The following PCSK9 variants were observed in gnomAD, a reference collection of about 807,000 sequenced individuals.
PCSK9 encodes the protein proprotein convertase subtilisin/kexin type 9.
A neutral mutation model predicts 62.1 loss-of-function variants in PCSK9; 57 were observed. The observed-to-expected ratio is 0.92, with a 90% CI of 0.74 to 1.14. PCSK9 has a LOEUF of 1.14. Ranked by LOEUF, PCSK9 falls within the 50% of genes most tolerant of loss-of-function variation. The pLI is 0.00. For missense variants in PCSK9, 870 were observed against 959.8 expected (o/e 0.91, Z 1.24); for synonymous variants, 387 against 409.4 (o/e 0.95, Z 0.66).
chr1:55,044,061 C>T, intron 2 of PCSK9, 27 bp downstream of exon 2: 1 of 1,612,942 alleles, frequency 6.2e-7, no homozygotes, highest in Non-Finnish European at 8.5e-7. Context: ...GGGAATGGCA[C>T]TTCCTGATAG....
chr1:55,042,321 T>C (rs1305274020), intron 1 of PCSK9, among the ~76,000 whole-genome samples: 3 of 152,338 alleles, frequency 2.0e-5, no homozygotes, highest in East Asian at 1.9e-4. Flanking sequence ...AAAAGTTTTT[T>C]TTGTGATTTA....
chr1:55,052,155 C>T (rs971008865), intron 3 of PCSK9, 123 bp from the exon 4 acceptor site: 29 of 1,340,366 alleles, frequency 2.2e-5, no homozygotes, highest in African/African-American at 1.0e-4. Context: ...GGAGGTTAAA[C>T]GAGTGAATAT....
At position 55,056,240 on chromosome 1, in the gene PCSK9, AGGGCG is replaced by A. The variant is rs1644713988; in HGVS notation, c.996+53_996+57del. 2.6e-4 allele frequency: 9 copies of A among 34,718 alleles called. 2 individuals carry two copies. The highest frequency in any genetic ancestry group is 4.2e-4 in the Non-Finnish European group (9 of 21,542). The allele number at this position is 34,718 out of a possible 1,614,324, so 2.2% of individuals were successfully genotyped here. A position where few individuals can be genotyped will look rare whatever the true frequency, so the allele number is the denominator to read the frequency against. ...GGCGCGGGTAGGGGGCGGAGGGCGG[AGGGCG>A]GAGGGAGGGCGGGCGGGCAGGCGGG... is the stretch of plus-strand genomic sequence containing the variant. On this transcript the variant is annotated intron_variant, in intron 6 of 11. Coordinates refer to ENST00000302118, the MANE Select transcript of PCSK9 (RefSeq NM_174936.4).
At chr1:55,057,572 A>C in intron 7 of PCSK9, 58 bp downstream of exon 7, 2 of 1,549,986 alleles carry the variant, frequency 1.3e-6, no homozygotes, top group Non-Finnish European at 1.7e-6. Context: ...TTTGGCAGTC[A>C]GGGTCTGTGC....
chr1:55,063,777 T>C lies in PCSK9; in HGVS notation c.*193T>C. On this transcript the variant is annotated 3_prime_UTR_variant, in exon 12 of 12. Transcript: ENST00000302118. ...TTGCCTGGAACTCACTCACTCTGGGTGCCTCCTCCCCAGGTGGAGGTGCCA... is the reference window on the plus strand; with the variant it reads ...TTGCCTGGAACTCACTCACTCTGGGCGCCTCCTCCCCAGGTGGAGGTGCCA... The C allele has an allele frequency of 1.5e-6, 1 of 659,044 alleles. No homozygotes were observed. Among genetic ancestry groups the C allele is most frequent in the Non-Finnish European group, 2.5e-6 (1 of 392,966 alleles). 40.8% of individuals were successfully genotyped at this position (659,044 alleles called of 1,614,324 possible).
At chr1:55,052,220 A>G in intron 3 of PCSK9, 58 bp from the exon 4 acceptor site, 2 of 1,610,884 alleles carry the variant, frequency 1.2e-6, no homozygotes, top group Middle Eastern at 1.7e-4. Flanking sequence ...CTGTGTGTTA[A>G]CTATAAGGTT....
intron 4 of PCSK9, 82 bp downstream of exon 4, chr1:55,052,493 G>T (rs625619): frequency 6.2e-5 from 100 of 1,607,962 alleles, no homozygotes; most frequent in Non-Finnish European, 7.4e-5. Flanking sequence ...ACCCCAGAGC[G>T]TTGCAGCTGT....
chr1:55,061,541 G>T lies in PCSK9; in HGVS notation c.1848G>T (p.Pro616=). Residue 616 remains proline, a synonymous_variant, in exon 11 of 12, where the codon CCG becomes CCT. Transcript: ENST00000302118. The stretch of plus-strand genomic sequence containing the variant: ...GCAAAGTCAAGGAGCATGGAATCCC[G>T]GCCCCTCAGGAGCAGGTGAAGAGGC... ...LECKVKEHGI[P]APQEQVTVAC... 1 of 1,598,186 alleles carries T rather than the reference G, an allele frequency of 6.3e-7. No homozygotes were observed. Among genetic ancestry groups the T allele is most frequent in the Non-Finnish European group, 8.5e-7 (1 of 1,172,716 alleles).
rs886046435 is a variant in PCSK9 at position 55,063,510 on chromosome 1, G to A, written c.2005G>A (p.Glu669Lys). The A allele has an allele frequency of 3.1e-6, 5 of 1,613,926 alleles. No individual in the cohort carries two copies. The highest frequency in any genetic ancestry group is 1.7e-5 in the Admixed American group (1 of 60,034). ...RDVSTTGSTSEGAVTAVAICC... is the reference protein window; with the variant it reads ...RDVSTTGSTSKGAVTAVAICC... ...CGTCAGCACTACAGGCAGCACCAGCGAAGGGGCCGTGACAGCCGTTGCCAT... is the reference window on the plus strand; with the variant it reads ...CGTCAGCACTACAGGCAGCACCAGCAAAGGGGCCGTGACAGCCGTTGCCAT... The change falls in exon 12 of 12, where the codon GAA becomes AAA. Residue 669 changes from glutamate (E) to lysine (K), a missense_variant. Transcript: ENST00000302118.
intron 2 of PCSK9, among the ~76,000 whole-genome samples, chr1:55,045,961 G>A (rs952231052): frequency 6.6e-6 from 1 of 151,864 alleles, no homozygotes; most frequent in Non-Finnish European, 1.5e-5. Flanking sequence ...CCCCCACCTC[G>A]GCCTCCCAAA....
chr1:55,050,834 C>G (rs540409272), intron 3 of PCSK9: 4 of 306,972 alleles, frequency 1.3e-5, no homozygotes, highest in African/African-American at 2.3e-5. Flanking sequence ...GCCTGTGAGC[C>G]AGACCTTATT....
rs75396617 is a variant in PCSK9, at chr1:55,051,575, G to C, written c.524-703G>C. On this transcript the variant is annotated intron_variant, in intron 3 of 11. Transcript: ENST00000302118. ...ACCCTAACCTTTGTCCTGCATGGGC[G>C]ACTCCCCCAGTGAGTCTCTTGCAGC... is the stretch of plus-strand genomic sequence containing the variant. The C allele has an allele frequency of 1.4e-3, 337 of 240,956 alleles. 1 individual carries two copies. Among genetic ancestry groups the C allele is most frequent in the African/African-American group, 7.7e-3 (326 of 42,534 alleles). The allele number at this position is 240,956 out of a possible 1,614,324, so 14.9% of individuals were successfully genotyped here.
chr1:55,053,201 A>T (rs960620480), intron 5 of PCSK9, among the ~76,000 whole-genome samples: 2 of 152,050 alleles, frequency 1.3e-5, no homozygotes, highest in Admixed American at 1.3e-4. Flanking sequence ...ACTCACTTGC[A>T]TGACTGGGCC....
At chr1:55,041,030 A>G (rs986010860) in intron 1 of PCSK9, among the ~76,000 whole-genome samples, 1 of 152,176 alleles carries the variant, frequency 6.6e-6, no homozygotes, top group Non-Finnish European at 1.5e-5. Context: ...TTGACAAGTC[A>G]CTTATCCTTG....
At chr1:55,054,293 G>A (rs557015993) in intron 5 of PCSK9, among the ~76,000 whole-genome samples, 60 of 152,336 alleles carry the variant, frequency 3.9e-4, no homozygotes, top group African/African-American at 1.3e-3. Flanking sequence ...TAAGGCAGGA[G>A]AATCGCTTGA....
At position 55,039,744 on chromosome 1, in the gene PCSK9, T is replaced by A; in HGVS notation, c.-94T>A. On this transcript the variant is annotated 5_prime_UTR_variant, in exon 1 of 12. Transcript: ENST00000302118. ...CTCCTGAACTTCAGCTCCTGCACAG[T>A]CCTCCCCACCGCAAGGCTCAAGGCG... The A allele has an allele frequency of 7.0e-7, 1 of 1,424,392 alleles. No individual in the cohort carries two copies. The highest frequency in any genetic ancestry group is 2.0e-5 in the Admixed American group (1 of 50,814). The allele number at this position is 1,424,392 out of a possible 1,614,324, so 88.2% of individuals were successfully genotyped here.
At chr1:55,049,204 G>A (rs1644656040) in intron 3 of PCSK9, among the ~76,000 whole-genome samples, 1 of 152,220 alleles carries the variant, frequency 6.6e-6, no homozygotes, top group South Asian at 2.1e-4. Context: ...CCAGGCAAAG[G>A]GGACGGTGTC....
At position 55,052,309 on chromosome 1, in the gene PCSK9, A is replaced by G. The variant is rs1557503443; in HGVS notation, c.555A>G (p.Leu185=). The G allele has an allele frequency of 1.2e-6, 2 of 1,613,884 alleles. No homozygotes were observed. Among genetic ancestry groups the G allele is most frequent in the African/African-American group, 1.3e-5 (1 of 74,894 alleles). The change falls in exon 4 of 12, where the codon CTA becomes CTG. Residue 185 remains leucine, a synonymous_variant. Transcript: ENST00000302118. ...GCAGCCTGGTGGAGGTGTATCTCCT[A>G]GACACCAGCATACAGAGTGACCACC... ...DGGSLVEVYL[L]DTSIQSDHRE...
Position 55,039,704 on chromosome 1 carries a change from C to G in PCSK9, c.-134C>G. Reference sequence around the variant, plus strand: ...GCTCCCAGCCAGGATTCCGCGCGCCCCTTCACGCGCCCTGCTCCTGAACTT... The same window carrying G: ...GCTCCCAGCCAGGATTCCGCGCGCCGCTTCACGCGCCCTGCTCCTGAACTT... On this transcript the variant is annotated 5_prime_UTR_variant, in exon 1 of 12. Transcript: ENST00000302118. The G allele has an allele frequency of 1.8e-6, 2 of 1,093,160 alleles. No individual in the cohort carries two copies. The allele number at this position is 1,093,160 out of a possible 1,614,324, so 67.7% of individuals were successfully genotyped here.
Sources: allele counts gnomAD v4.1 joint callset (sites outside exome capture counted in the v4.1 genomes callset), GRCh38; gene constraint gnomAD v4.1.1; transcripts MANE v1.5; gene names NCBI Gene and HGNC (gene_info 2026-07-23, HGNC 2026-07-21).